HMCN1: variants seen among roughly 807,000 people sequenced by gnomAD.
HMCN1 encodes the protein hemicentin-1.
HMCN1 carries 321 observed loss-of-function variants against 625.9 expected under a neutral mutation model. The ratio of observed to expected loss-of-function variants is 0.51; its 90% CI spans 0.47 to 0.56. The LOEUF (loss-of-function observed/expected upper bound fraction) is 0.56. Among genes scored for constraint, HMCN1 ranks in the 20% least tolerant of loss-of-function variants. The pLI is 0.00. For missense variants in HMCN1, 6,588 were observed against 6,887.3 expected (o/e 0.96, Z 1.54); for synonymous variants, 2,425 against 2,417.6 (o/e 1.00, Z -0.09).
intron 106 of HMCN1, 82 bp downstream of exon 106, chr1:186,188,091 G>A (rs1454275553): frequency 1.3e-6 from 2 of 1,525,848 alleles, no homozygotes; most frequent in Non-Finnish European, 1.8e-6. Flanking sequence ...TTAGTCTCTT[G>A]TCATGTGTAA....
intron 1 of HMCN1, among the ~76,000 whole-genome samples, chr1:185,799,706 C>T (rs1355880808): frequency 6.6e-6 from 1 of 152,150 alleles, no homozygotes. Flanking sequence ...TTGTCTCCCA[C>T]CCAAGCACCA....
At chr1:185,850,943 T>C (rs1662125826) in intron 2 of HMCN1, among the ~76,000 whole-genome samples, 1 of 152,198 alleles carries the variant, frequency 6.6e-6, no homozygotes, top group South Asian at 2.1e-4. Flanking sequence ...TCAAAGTTTC[T>C]AGTGAATTAT....
intron 4 of HMCN1, among the ~76,000 whole-genome samples, chr1:185,871,191 T>G (rs570472547): frequency 2.6e-4 from 38 of 145,160 alleles, no homozygotes; most frequent in Non-Finnish European, 3.7e-4. Flanking sequence ...ATCGTGCCAC[T>G]GCACTCCAGC....
intron 97 of HMCN1, among the ~76,000 whole-genome samples, chr1:186,164,076 C>G (rs1651708225): frequency 6.6e-6 from 1 of 152,128 alleles, no homozygotes; most frequent in South Asian, 2.1e-4. Flanking sequence ...ACACACACAG[C>G]AACCGTGCAA....
In HMCN1 at chr1:186,038,031, G is replaced by A. The variant is rs1415813025; in HGVS notation, c.5847G>A (p.Val1949=). The change falls in exon 37 of 107, where the codon GTG becomes GTA. Residue 1949 remains valine (V), a synonymous_variant. Coordinates refer to ENST00000271588, the MANE Select transcript of HMCN1 (RefSeq NM_031935.3). The part of the protein sequence containing the change: ...QLECKAAGNP[V]PVITWYKDNR... The stretch of plus-strand genomic sequence containing the variant: ...AGTGTAAGGCAGCTGGAAATCCTGT[G>A]CCTGGTACATTTACTTTTGAACTCT... 6.3e-7 allele frequency: 1 copy of A among 1,591,088 alleles called. No individual in the cohort carries two copies. Among genetic ancestry groups the A allele is most frequent in the East Asian group, 2.2e-5 (1 of 44,674 alleles).
At chr1:185,984,115 ACT>A (rs1397240112) in intron 18 of HMCN1, 52 bp from the exon 19 acceptor site, 2 of 1,455,734 alleles carry the variant, frequency 1.4e-6, no homozygotes, top group East Asian at 4.7e-5. Context: ...TTCATTTTTG[ACT>A]CTCACAAATC....
intron 11 of HMCN1, among the ~76,000 whole-genome samples, chr1:185,946,548 T>G (rs1353935784): frequency 6.6e-6 from 1 of 152,220 alleles, no homozygotes; most frequent in Non-Finnish European, 1.5e-5. Context: ...TCTGTGATTT[T>G]GGGAAATTGT....
At chr1:186,022,756 G>A (rs1428983139) in intron 35 of HMCN1, among the ~76,000 whole-genome samples, 1 of 151,726 alleles carries the variant, frequency 6.6e-6, no homozygotes, top group African/African-American at 2.4e-5. Flanking sequence ...CAGTGCTAAA[G>A]TCTTTTATTC....
Position 186,130,006 on chromosome 1 carries a change from T to G in HMCN1, c.12945T>G (p.Ile4315Met). Residue 4315 changes from isoleucine (I) to methionine (M), a missense_variant, in exon 84 of 107, where the codon ATT becomes ATG. Ile to Met is a conservative substitution (Grantham distance 10, BLOSUM62 1). This residue lies in a region of HMCN1 where 1,954 missense variants were observed against 2,013.1 expected (regional missense o/e 0.97). Transcript: ENST00000271588. ...TGAATGGACACAGTGAACTTGTTAT[T>G]GAAAGAGTGTCAAAAGAGGATTCAG... ...DSVNGHSELV[I>M]ERVSKEDSGT... The G allele has an allele frequency of 6.2e-7, 1 of 1,613,220 alleles. No homozygotes were observed. The highest frequency in any genetic ancestry group is 8.5e-7 in the Non-Finnish European group (1 of 1,179,362).
chr1:186,020,638 A>G (rs1369457882), intron 35 of HMCN1, among the ~76,000 whole-genome samples: 1 of 152,244 alleles, frequency 6.6e-6, no homozygotes, highest in African/African-American at 2.4e-5. Flanking sequence ...GTGTAAGAAC[A>G]TATAATGAGA....
intron 30 of HMCN1, among the ~76,000 whole-genome samples, chr1:186,008,513 T>C (rs1255898832): frequency 1.3e-5 from 2 of 152,178 alleles, no homozygotes; most frequent in Non-Finnish European, 2.9e-5. Flanking sequence ...ACCAGAAAAC[T>C]TAAAATTACA....
At chr1:185,845,218 T>C (rs890498321) in intron 1 of HMCN1, among the ~76,000 whole-genome samples, 2 of 152,166 alleles carry the variant, frequency 1.3e-5, no homozygotes, top group African/African-American at 4.8e-5. Context: ...AAATTCTTTT[T>C]CTTTCTTTTC....
chr1:186,038,113 T>C lies in HMCN1; in HGVS notation c.5851+78T>C. 3 of 844,082 alleles carry C rather than the reference T, an allele frequency of 3.6e-6. No individual in the cohort carries two copies. The Admixed American group carries it at 5.3e-5, about 15-fold the overall frequency. 52.3% of individuals were successfully genotyped at this position (844,082 alleles called of 1,614,324 possible). A position where few individuals can be genotyped will look rare whatever the true frequency, so the allele number is the denominator to read the frequency against. On this transcript the variant is annotated intron_variant, in intron 37 of 106. Transcript: ENST00000271588. ...ACTGAAATTGGTTTTGAGCATAATA[T>C]ACTAATTACTAGTAAAGAACAGGTT...
intron 4 of HMCN1, among the ~76,000 whole-genome samples, chr1:185,867,933 G>T (rs1235380223): frequency 6.6e-6 from 1 of 152,056 alleles, no homozygotes; most frequent in African/African-American, 2.4e-5. Context: ...GTTGGGCATG[G>T]TGGCACGTAC....
At chr1:185,991,700 T>G (rs533155545) in intron 22 of HMCN1, among the ~76,000 whole-genome samples, 1 of 151,076 alleles carries the variant, frequency 6.6e-6, no homozygotes, top group South Asian at 2.1e-4. Flanking sequence ...CTGGTTTGTT[T>G]ATTCTTTTTT....
intron 1 of HMCN1, among the ~76,000 whole-genome samples, chr1:185,784,567 CT>C (rs1357790357): frequency 2.6e-5 from 4 of 151,734 alleles, no homozygotes; most frequent in Non-Finnish European, 5.9e-5. Flanking sequence ...GATAGTTGTG[CT>C]TTTTCATCTT....
At chr1:186,161,155 A>C (rs1367581781) in intron 97 of HMCN1, among the ~76,000 whole-genome samples, 97 of 150,554 alleles carry the variant, frequency 6.4e-4, no homozygotes, top group African/African-American at 2.2e-3. Context: ...TGTTGAATTG[A>C]TCCCTTTACC....
rs1160779223 is a variant in HMCN1 at position 186,078,240 on chromosome 1, A to G, written c.8599+20A>G. ...TACTCGGTGAGTTTTTCTTTTGTTTATTGTTCATTCTTTTACTGAAAAGTA... is the reference window on the plus strand; with the variant it reads ...TACTCGGTGAGTTTTTCTTTTGTTTGTTGTTCATTCTTTTACTGAAAAGTA... On this transcript the variant is annotated intron_variant, in intron 55 of 106. Transcript: ENST00000271588. 3.9e-6 allele frequency: 6 copies of G among 1,531,586 alleles called. No homozygotes were observed. The highest frequency in any genetic ancestry group is 2.3e-5 in the East Asian group (1 of 44,276). The allele number at this position is 1,531,586 out of a possible 1,614,324, so 94.9% of individuals were successfully genotyped here.
At chr1:185,799,107 G>T (rs541203182) in intron 1 of HMCN1, among the ~76,000 whole-genome samples, 26 of 140,566 alleles carry the variant, frequency 1.8e-4, no homozygotes, top group South Asian at 8.3e-4. Flanking sequence ...TTCTAAGGGT[G>T]CTTTTGGTGG....
Sources: allele counts gnomAD v4.1 joint callset (sites outside exome capture counted in the v4.1 genomes callset), GRCh38; gene constraint gnomAD v4.1.1; regional missense constraint gnomAD v4.1.1; transcripts MANE v1.5; gene names NCBI Gene and HGNC (gene_info 2026-07-23, HGNC 2026-07-21).